PLCB1: variants seen among roughly 807,000 people sequenced by gnomAD.
The protein encoded by PLCB1 is phospholipase C beta 1.
PLCB1 carries 46 observed loss-of-function variants against 161.8 expected under a neutral mutation model. That is an observed-to-expected ratio of 0.28 (90% CI 0.22 to 0.36). The LOEUF (loss-of-function observed/expected upper bound fraction) is 0.36. Ranked by LOEUF, PLCB1 falls within the 10% of genes least tolerant of loss-of-function variation. PLCB1 has a pLI of 1.00. For missense variants in PLCB1, 1,016 were observed against 1,472.5 expected (o/e 0.69, Z 5.07); for synonymous variants, 517 against 503.7 (o/e 1.03, Z -0.35).
intron 3 of PLCB1, among the ~76,000 whole-genome samples, chr20:8,403,876 C>G (rs1408809281): frequency 6.6e-6 from 1 of 152,144 alleles, no homozygotes; most frequent in Non-Finnish European, 1.5e-5. Flanking sequence ...GAATGGTTTA[C>G]TAGTAACTCA....
chr20:8,757,004 T>C (rs373250559), intron 23 of PLCB1, 42 bp from the exon 24 acceptor site: 2 of 1,541,594 alleles, frequency 1.3e-6, no homozygotes, highest in African/African-American at 2.8e-5. Context: ...AAGAAAAGAA[T>C]AAAAAGAAAT....
rs1445365709 is a variant in PLCB1, at chr20:8,708,652, A to G, written c.1168-18A>G. On this transcript the variant is annotated intron_variant, in intron 11 of 31. Coordinates refer to ENST00000338037, the MANE Select transcript of PLCB1 (RefSeq NM_015192.4). ...AAAAATTCTGGCATACTGAATATAC[A>G]TGTGTTCTCATTTTTAGGAAGTGAT... 6.5e-7 allele frequency: 1 copy of G among 1,534,486 alleles called. No homozygotes were observed. The highest frequency in any genetic ancestry group is 9.0e-7 in the Non-Finnish European group (1 of 1,107,884).
intron 21 of PLCB1, among the ~76,000 whole-genome samples, chr20:8,739,628 C>T (rs113321424): frequency 6.6e-6 from 1 of 152,134 alleles, no homozygotes; most frequent in Non-Finnish European, 1.5e-5. Context: ...GTGGGTTGGC[C>T]GGGTTTGGCT....
rs1392373469 is a variant in PLCB1, at chr20:8,322,900, C to T, written c.178-48482C>T. On this transcript the variant is annotated intron_variant, in intron 2 of 31. Transcript: ENST00000338037. Reference sequence around the variant, plus strand: ...TGTGTTGAATTGTTTGAGGCTGTACCGCATGTCAAGCTTTGACAGAACTGA... The same window carrying T: ...TGTGTTGAATTGTTTGAGGCTGTACTGCATGTCAAGCTTTGACAGAACTGA... Among the ~76,000 whole-genome samples the T allele has an allele frequency of 5.3e-5, 8 of 152,198 alleles. No homozygotes were observed. In the South Asian group the frequency reaches 8.3e-4, roughly 16 times the overall value.
chr20:8,710,039 C>T (rs1181392048), intron 12 of PLCB1, among the ~76,000 whole-genome samples: 2 of 152,140 alleles, frequency 1.3e-5, no homozygotes, highest in Non-Finnish European at 2.9e-5. Context: ...TGTAACAATA[C>T]GTATGAGTCC....
chr20:8,335,861 GA>G (rs1985554798), intron 2 of PLCB1, among the ~76,000 whole-genome samples: 1 of 152,144 alleles, frequency 6.6e-6, no homozygotes, highest in Non-Finnish European at 1.5e-5. Context: ...TTTAAATGAA[GA>G]AGTTATTAGC....
chr20:8,232,584 CT>C (rs1348619511), intron 2 of PLCB1, among the ~76,000 whole-genome samples: 17 of 152,150 alleles, frequency 1.1e-4, no homozygotes. Flanking sequence ...TTTGGAGTCT[CT>C]CATTTGCTTT....
chr20:8,489,827 A>ATCTGAATC (rs898207988), intron 3 of PLCB1, among the ~76,000 whole-genome samples: 6 of 152,246 alleles, frequency 3.9e-5, no homozygotes, highest in African/African-American at 1.4e-4. Flanking sequence ...AGTCTTCTAC[A>ATCTGAATC]TCTGAATCTA....
intron 2 of PLCB1, among the ~76,000 whole-genome samples, chr20:8,271,884 A>G (rs1982302904): frequency 6.6e-6 from 1 of 152,162 alleles, no homozygotes; most frequent in Non-Finnish European, 1.5e-5. Context: ...ATTAGACTGC[A>G]TTTATCAAGT....
chr20:8,368,528 C>CAAAAAA (rs1216338206), intron 2 of PLCB1, among the ~76,000 whole-genome samples: 513 of 59,716 alleles, frequency 8.6e-3, no homozygotes, highest in Middle Eastern at 0.021. Flanking sequence ...CTCTGTCTCT[C>CAAAAAA]AAAAAAAAAA....
At chr20:8,674,904 T>G (rs147904344) in intron 9 of PLCB1, among the ~76,000 whole-genome samples, 4 of 152,318 alleles carry the variant, frequency 2.6e-5, no homozygotes, top group Non-Finnish European at 5.9e-5. Context: ...AGGAAATATG[T>G]CAACTCTCAA....
At chr20:8,439,619 A>C (rs1411823600) in intron 3 of PLCB1, among the ~76,000 whole-genome samples, 1 of 152,218 alleles carries the variant, frequency 6.6e-6, no homozygotes, top group Non-Finnish European at 1.5e-5. Context: ...CATAGTAATT[A>C]GATATTTAGA....
chr20:8,357,638 G>A (rs1477575519), intron 2 of PLCB1, among the ~76,000 whole-genome samples: 3 of 151,880 alleles, frequency 2.0e-5, no homozygotes, highest in South Asian at 4.2e-4. Context: ...GCAACATAGT[G>A]AGACCTTGTC....
intron 3 of PLCB1, among the ~76,000 whole-genome samples, chr20:8,568,161 A>C (rs1372136871): frequency 3.3e-5 from 5 of 152,196 alleles, no homozygotes; most frequent in Admixed American, 6.5e-5. Flanking sequence ...CTTCAAGTGA[A>C]CTTCAAACAG....
chr20:8,772,393 G>T (rs1281556340), intron 26 of PLCB1, among the ~76,000 whole-genome samples: 1 of 152,160 alleles, frequency 6.6e-6, no homozygotes, highest in Non-Finnish European at 1.5e-5. Context: ...TTGCCCTTCT[G>T]CCCCTGTAAT....
At chr20:8,574,884 G>C (rs556731583) in intron 3 of PLCB1, among the ~76,000 whole-genome samples, 2 of 152,216 alleles carry the variant, frequency 1.3e-5, no homozygotes, top group Non-Finnish European at 2.9e-5. Flanking sequence ...AGATATAAAG[G>C]CTGATAGTTA....
At chr20:8,720,707 C>G (rs963275533) in intron 14 of PLCB1, among the ~76,000 whole-genome samples, 1 of 152,116 alleles carries the variant, frequency 6.6e-6, no homozygotes, top group African/African-American at 2.4e-5. Context: ...AAGACAAATT[C>G]TTTCTTTCCC....
At chr20:8,563,337 A>G (rs1484760952) in intron 3 of PLCB1, among the ~76,000 whole-genome samples, 1 of 152,072 alleles carries the variant, frequency 6.6e-6, no homozygotes, top group Non-Finnish European at 1.5e-5. Flanking sequence ...TTTAGTTCCC[A>G]TCTATAGACA....
intron 31 of PLCB1, among the ~76,000 whole-genome samples, chr20:8,875,922 A>C (rs2146330331): frequency 6.6e-6 from 1 of 152,230 alleles, no homozygotes; most frequent in East Asian, 1.9e-4. Flanking sequence ...TTTTATCTAA[A>C]AGCTTTCCTT....
Sources: allele counts gnomAD v4.1 joint callset (sites outside exome capture counted in the v4.1 genomes callset), GRCh38; gene constraint gnomAD v4.1.1; transcripts MANE v1.5; gene names NCBI Gene and HGNC (gene_info 2026-07-23, HGNC 2026-07-21).